ABCA4: variants seen among roughly 807,000 people sequenced by gnomAD.
ABCA4 encodes the protein ATP binding cassette subfamily A member 4.
Under a neutral mutation model 263.7 loss-of-function variants are expected in ABCA4, and 196 were observed. The ratio of observed to expected loss-of-function variants is 0.74; its 90% CI spans 0.66 to 0.84. The LOEUF (loss-of-function observed/expected upper bound fraction) is 0.84, where lower values mean the gene tolerates loss of function less well. Ranked by LOEUF, ABCA4 falls within the 40% of genes least tolerant of loss-of-function variation. ABCA4 has a pLI of 0.00. For synonymous variants in ABCA4, 1,133 were observed against 1,094.2 expected (o/e 1.04, Z -0.70); for missense variants, 2,792 against 2,855.1 (o/e 0.98, Z 0.50).
intron 9 of ABCA4, 106 bp downstream of exon 9, chr1:94,079,216 C>CA: frequency 6.6e-7 from 1 of 1,525,976 alleles, no homozygotes; most frequent in East Asian, 2.3e-5. Context: ...AAAAAACAAA[C>CA]ATGAGATGTG....
chr1:94,067,471 G>C (rs74102102), intron 11 of ABCA4, among the ~76,000 whole-genome samples: 8,768 of 152,058 alleles, frequency 0.058, 260 homozygotes, highest in Middle Eastern at 0.2. Flanking sequence ...ATAATCTCTG[G>C]GGGAAAAAAA....
intron 6 of ABCA4, among the ~76,000 whole-genome samples, chr1:94,084,346 C>T (rs1661780098): frequency 6.6e-6 from 1 of 152,324 alleles, no homozygotes; most frequent in Non-Finnish European, 1.5e-5. Context: ...ACTTGTAATT[C>T]TCATCCAAGT....
intron 47 of ABCA4, 56 bp downstream of exon 47, chr1:94,000,780 A>T: frequency 1.3e-6 from 2 of 1,535,124 alleles, no homozygotes; most frequent in Non-Finnish European, 1.8e-6. Flanking sequence ...TGGAGAACAC[A>T]GGATCCAGGT....
At chr1:94,087,747 T>G (rs1297409663) in intron 6 of ABCA4, among the ~76,000 whole-genome samples, 5 of 152,224 alleles carry the variant, frequency 3.3e-5, no homozygotes, top group Non-Finnish European at 7.3e-5. Context: ...TGACTTTTGT[T>G]ACTCACAGCC....
rs1404931464 is a variant in ABCA4, at chr1:94,121,102, G to A, written c.-57C>T. 5.2e-6 allele frequency: 8 copies of A among 1,541,064 alleles called. No homozygotes were observed. The highest frequency in any genetic ancestry group is 7.2e-6 in the Non-Finnish European group (8 of 1,113,600). On this transcript the variant is annotated 5_prime_UTR_variant, in exon 1 of 50. Coordinates refer to ENST00000370225, the MANE Select transcript of ABCA4 (RefSeq NM_000350.3). Reference sequence around the variant, plus strand: ...GAGCTGAGGCCCCTCAGACAGCAAAGGACATAAACGCCGTTAAGAGCGCCT... The same window carrying A: ...GAGCTGAGGCCCCTCAGACAGCAAAAGACATAAACGCCGTTAAGAGCGCCT...
At chr1:94,041,149 G>T in intron 23 of ABCA4, 60 bp downstream of exon 23, 1 of 1,571,238 alleles carries the variant, frequency 6.4e-7, no homozygotes, top group Non-Finnish European at 8.7e-7. Flanking sequence ...TGGAGTGGCA[G>T]CCCCGTGCTG....
chr1:93,997,652 TA>T (rs369448929), intron 48 of ABCA4, among the ~76,000 whole-genome samples: 233 of 151,784 alleles, frequency 1.5e-3, no homozygotes, highest in African/African-American at 5.5e-3. Flanking sequence ...AAGGAAAATG[TA>T]AAAAAAAGAA....
chr1:94,108,438 T>C, intron 4 of ABCA4, 139 bp downstream of exon 4: 5 of 1,207,808 alleles, frequency 4.1e-6, no homozygotes, highest in Non-Finnish European at 5.9e-6. Flanking sequence ...ACCAAGGTGA[T>C]GTTCAAGCCG....
At chr1:94,063,395 G>T in intron 11 of ABCA4, 78 bp from the exon 12 acceptor site, 1 of 1,377,702 alleles carries the variant, frequency 7.3e-7, no homozygotes, top group South Asian at 1.2e-5. Context: ...GAAAGTCACA[G>T]GATAAGGGCT....
intron 38 of ABCA4, among the ~76,000 whole-genome samples, chr1:94,013,508 G>A (rs1659630957): frequency 6.6e-6 from 1 of 152,184 alleles, no homozygotes; most frequent in Non-Finnish European, 1.5e-5. Flanking sequence ...ATGAGGAGAG[G>A]AAAGGTTGAG....
chr1:94,097,310 A>G (rs1662149672), intron 6 of ABCA4, among the ~76,000 whole-genome samples: 1 of 152,100 alleles, frequency 6.6e-6, no homozygotes, highest in Non-Finnish European at 1.5e-5. Flanking sequence ...AAGGGGATTA[A>G]GCGTGGACCG....
intron 20 of ABCA4, 119 bp from the exon 21 acceptor site, chr1:94,043,594 G>A (rs1034154516): frequency 2.0e-5 from 28 of 1,384,928 alleles, no homozygotes; most frequent in Non-Finnish European, 2.7e-5. Context: ...GCTCACTGTG[G>A]TGGTGTTTAT....
Position 94,047,208 on chromosome 1 carries a change from G to A in ABCA4, c.2744-115C>T, listed in dbSNP as rs567535582. The A allele has an allele frequency of 3.6e-4, 412 of 1,156,256 alleles. 1 individual carries two copies. The African/African-American group carries it at 4.6e-3, about 13-fold the overall frequency. 71.6% of individuals were successfully genotyped at this position (1,156,256 alleles called of 1,614,324 possible). On this transcript the variant is annotated intron_variant, in intron 18 of 49. Transcript: ENST00000370225. The stretch of plus-strand genomic sequence containing the variant: ...TAACGTCACCTGCCCCTGTGGCTTC[G>A]GCTATCACCGTTGCAAGGAAGACTC...
chr1:93,998,997 C>T (rs77974143), intron 47 of ABCA4, among the ~76,000 whole-genome samples: 12,986 of 144,980 alleles, frequency 0.09, 765 homozygotes, highest in African/African-American at 0.18. Context: ...GTGATCCGCC[C>T]GCCTTGGCCT....
At chr1:94,116,305 T>G (rs1662758215) in intron 1 of ABCA4, among the ~76,000 whole-genome samples, 1 of 152,044 alleles carries the variant, frequency 6.6e-6, no homozygotes, top group Admixed American at 6.5e-5. Flanking sequence ...TCACCCCTGT[T>G]GATTAGGTCA....
At chr1:94,060,332 G>C (rs1307746104) in intron 14 of ABCA4, among the ~76,000 whole-genome samples, 1 of 152,228 alleles carries the variant, frequency 6.6e-6, no homozygotes, top group East Asian at 1.9e-4. Context: ...GGAAGTGGGA[G>C]ATGGGAGGAT....
intron 38 of ABCA4, among the ~76,000 whole-genome samples, chr1:94,011,767 CTGT>C (rs113330097): frequency 1.3e-5 from 2 of 152,360 alleles, no homozygotes; most frequent in African/African-American, 4.8e-5. Context: ...ACCTGCATTA[CTGT>C]CCTTACCCCT....
chr1:94,032,810 A>G (rs1157400344), intron 26 of ABCA4, among the ~76,000 whole-genome samples: 1 of 152,242 alleles, frequency 6.6e-6, no homozygotes, highest in Non-Finnish European at 1.5e-5. Context: ...ATGTCCACCG[A>G]CTGTCAGCAG....
intron 11 of ABCA4, among the ~76,000 whole-genome samples, chr1:94,068,704 C>T (rs1661334921): frequency 1.3e-5 from 2 of 152,162 alleles, no homozygotes; most frequent in Non-Finnish European, 1.5e-5. Flanking sequence ...ACTATGCAAT[C>T]ATGAATGTTA....
Sources: gnomAD v4.1 joint callset for allele counts (sites outside exome capture counted in the v4.1 genomes callset) on GRCh38, gnomAD v4.1.1 for gene constraint, MANE v1.5 for transcripts, NCBI Gene and HGNC (gene_info 2026-07-23, HGNC 2026-07-21) for gene names.